The following TUNAR variants were observed in gnomAD, a reference collection of about 807,000 sequenced individuals.
The protein encoded by TUNAR is protein TUNAR.
chr14:95,877,072 T>C (rs1888896866), exon 2 of TUNAR: 1 of 152,204 alleles, frequency 6.6e-6, no homozygotes, highest in African/African-American at 2.4e-5. Context: ...CTCCTTTTTT[T>C]CCTTCTCCTC....
intron 2 of TUNAR, among the ~76,000 whole-genome samples, chr14:95,881,238 A>T (rs547880844): frequency 6.6e-6 from 1 of 152,356 alleles, no homozygotes; most frequent in South Asian, 2.1e-4. Context: ...TCTTTTAACT[A>T]CACGAGGTCA....
At chr14:95,881,361 T>G (rs1425413935) in intron 2 of TUNAR, among the ~76,000 whole-genome samples, 2 of 152,148 alleles carry the variant, frequency 1.3e-5, no homozygotes, top group African/African-American at 4.8e-5. Flanking sequence ...CCCACATTCA[T>G]CCCCCTGGGG....
chr14:95,900,542 T>G (rs1889335476), intron 2 of TUNAR, among the ~76,000 whole-genome samples: 1 of 152,232 alleles, frequency 6.6e-6, no homozygotes, highest in Non-Finnish European at 1.5e-5. Context: ...AGCAAAGGAC[T>G]TGGCCATGCG....
exon 3 of TUNAR, chr14:95,923,667 G>A (rs1025805874): frequency 7.9e-5 from 12 of 152,112 alleles, no homozygotes; most frequent in Admixed American, 1.3e-4. Flanking sequence ...ATGTTCTGTT[G>A]TGGAGCCATT....
intron 2 of TUNAR, among the ~76,000 whole-genome samples, chr14:95,898,881 G>A (rs116019285): frequency 0.018 from 2,716 of 152,156 alleles, 61 homozygotes; most frequent in East Asian, 0.11. Flanking sequence ...GTGCCTTTTC[G>A]TTTCGAGTTG....
chr14:95,890,960 T>C (rs1451700297), intron 2 of TUNAR, among the ~76,000 whole-genome samples: 1 of 152,184 alleles, frequency 6.6e-6, no homozygotes, highest in Admixed American at 6.5e-5. Flanking sequence ...CAGAAATCAT[T>C]GTTAACAACA....
intron 2 of TUNAR, among the ~76,000 whole-genome samples, chr14:95,879,167 C>T (rs370670971): frequency 1.3e-5 from 2 of 152,258 alleles, no homozygotes; most frequent in Non-Finnish European, 2.9e-5. Flanking sequence ...ACCTATGGGT[C>T]GTTAATGGGG....
chr14:95,918,800 A>G (rs952357530), intron 2 of TUNAR, among the ~76,000 whole-genome samples: 1 of 152,178 alleles, frequency 6.6e-6, no homozygotes, highest in Non-Finnish European at 1.5e-5. Context: ...GACTGTGATG[A>G]TGGGTCTTTG....
At chr14:95,913,899 ATT>A (rs1889559710) in intron 2 of TUNAR, among the ~76,000 whole-genome samples, 1 of 152,164 alleles carries the variant, frequency 6.6e-6, no homozygotes, top group Non-Finnish European at 1.5e-5. Flanking sequence ...CACCCAGCTA[ATT>A]TTTGTATTTA....
chr14:95,888,292 ATG>A (rs1267844798), intron 2 of TUNAR, among the ~76,000 whole-genome samples: 2 of 152,324 alleles, frequency 1.3e-5, no homozygotes, highest in African/African-American at 4.8e-5. Flanking sequence ...CTTTCACTGA[ATG>A]TGTACAATAG....
intron 2 of TUNAR, among the ~76,000 whole-genome samples, chr14:95,915,728 C>T (rs1249227628): frequency 1.3e-5 from 2 of 152,250 alleles, no homozygotes; most frequent in African/African-American, 4.8e-5. Context: ...CGCTGTGTCA[C>T]TGTATACTCG....
intron 2 of TUNAR, among the ~76,000 whole-genome samples, chr14:95,910,504 A>G (rs1293619776): frequency 1.3e-5 from 2 of 152,244 alleles, no homozygotes; most frequent in African/African-American, 2.4e-5. Context: ...ATCATGACAG[A>G]TATCAAGTAC....
chr14:95,917,347 TTG>T, intron 2 of TUNAR, among the ~76,000 whole-genome samples: 1 of 152,322 alleles, frequency 6.6e-6, no homozygotes, highest in South Asian at 2.1e-4. Flanking sequence ...GTGTGTAACT[TTG>T]TTTTTGTTTC....
intron 2 of TUNAR, among the ~76,000 whole-genome samples, chr14:95,886,459 G>T (rs141080523): frequency 1.3e-5 from 2 of 152,234 alleles, no homozygotes; most frequent in African/African-American, 2.4e-5. Context: ...AGACAGAAAA[G>T]CATGTTCCAC....
At chr14:95,925,425 G>A (rs1176340421) in exon 3 of TUNAR, 1 of 152,246 alleles carries the variant, frequency 6.6e-6, no homozygotes, top group African/African-American at 2.4e-5. Flanking sequence ...ATACACTAAG[G>A]ATAAGGGATG....
At chr14:95,925,210 A>C (rs962501105) in exon 3 of TUNAR, 2 of 152,268 alleles carry the variant, frequency 1.3e-5, no homozygotes, top group Admixed American at 6.5e-5. Context: ...CAGAGAGGTC[A>C]AGAAATGTCC....
chr14:95,923,452 A>G (rs1889731831), exon 3 of TUNAR: 1 of 152,796 alleles, frequency 6.5e-6, no homozygotes. Context: ...AAAAGTGTCT[A>G]ACTATTTGAT....
At chr14:95,910,719 A>G (rs1279772703) in intron 2 of TUNAR, among the ~76,000 whole-genome samples, 3 of 152,232 alleles carry the variant, frequency 2.0e-5, no homozygotes, top group Non-Finnish European at 2.9e-5. Flanking sequence ...GATGACAGCC[A>G]GGCCATTCTG....
chr14:95,925,080 C>T (rs1052629897), exon 3 of TUNAR: 7 of 152,250 alleles, frequency 4.6e-5, no homozygotes, highest in African/African-American at 1.2e-4. Context: ...GCATGTAGGG[C>T]GTACTGTGTG....
Sources: allele counts gnomAD v4.1 joint callset (sites outside exome capture counted in the v4.1 genomes callset), GRCh38; gene constraint gnomAD v4.1.1; transcripts MANE v1.5; gene names NCBI Gene and HGNC (gene_info 2026-07-23, HGNC 2026-07-21).